OXNAD1: variants seen among roughly 807,000 people sequenced by gnomAD.
OXNAD1 encodes the protein oxidoreductase NAD binding domain containing 1.
OXNAD1 carries 34 observed loss-of-function variants against 32.9 expected under a neutral mutation model. The ratio of observed to expected loss-of-function variants is 1.03; its 90% confidence interval spans 0.79 to 1.38. The LOEUF (loss-of-function observed/expected upper bound fraction) is 1.38, where lower values mean the gene tolerates loss of function less well. OXNAD1 is among the 40% of genes most tolerant of loss of function. OXNAD1 has a pLI of 0.00. For missense variants in OXNAD1, 407 were observed against 379.4 expected (o/e 1.07, Z -0.60); for synonymous variants, 134 against 135.2 (o/e 0.99, Z 0.06).
Position 16,287,764 on chromosome 3 carries a change from A to G in OXNAD1, c.290+1316A>G, listed in dbSNP as rs2066170798. ...TGTAATGCACTTGCTAACCTCAGTTACCTGATAAGAAAATGTCCTCATTCC... is the reference window on the plus strand; with the variant it reads ...TGTAATGCACTTGCTAACCTCAGTTGCCTGATAAGAAAATGTCCTCATTCC... On this transcript the variant is annotated intron_variant, in intron 5 of 8. Transcript: ENST00000285083. This position sits in a 1 kb window ranked among gnomAD's most constrained non-coding sequence, Gnocchi z 4.8. 6.6e-6 allele frequency among the ~76,000 whole-genome samples: 1 copy of G among 152,186 alleles called. No homozygotes were observed. Among genetic ancestry groups the G allele is most frequent in the East Asian group, 1.9e-4 (1 of 5,198 alleles).
intron 4 of OXNAD1, among the ~76,000 whole-genome samples, chr3:16,279,577 A>G (rs2065603588): frequency 6.6e-6 from 1 of 151,894 alleles, no homozygotes; most frequent in African/African-American, 2.4e-5. Context: ...CAGCCCAGGA[A>G]TGTGTCAACA....
rs2068583085 is a variant in OXNAD1 at position 16,317,787 on chromosome 3, GACC to G, written c.*30+14202_*30+14204del. Among the ~76,000 whole-genome samples the G allele has an allele frequency of 6.6e-6, 1 of 151,934 alleles. No homozygotes were observed. Among genetic ancestry groups the G allele is most frequent in the African/African-American group, 2.4e-5 (1 of 41,226 alleles). On this transcript the variant is annotated intron_variant, in intron 9 of 9. Coordinates refer to the OXNAD1 transcript ENST00000435829. This position sits in a 1 kb window ranked among gnomAD's most constrained non-coding sequence, Gnocchi z 4.3. ...CCAGCTAGGCCGATAGCCCTTTGCT[GACC>G]ACCACCTCACAGAAGGGTCACACCA...
Position 16,265,804 on chromosome 3 carries a change from C to T in OXNAD1, c.-159+299C>T, listed in dbSNP as rs2064448901. The T allele has an allele frequency of 1.1e-6, 1 of 928,084 alleles. No homozygotes were observed. The highest frequency in any genetic ancestry group is 1.8e-5 in the African/African-American group (1 of 55,950). The allele number at this position is 928,084 out of a possible 1,614,324, so 57.5% of individuals were successfully genotyped here. On this transcript the variant is annotated intron_variant, in intron 1 of 8. Coordinates refer to ENST00000285083, the MANE Select transcript of OXNAD1 (RefSeq NM_138381.5). This position sits in a 1 kb window ranked among gnomAD's most constrained non-coding sequence, Gnocchi z 4.8. Reference sequence around the variant, plus strand: ...TGGGCATCTTGACTAAAATCATACACCTGGGAAATAATGAAGAGCTTGTCT... The same window carrying T: ...TGGGCATCTTGACTAAAATCATACATCTGGGAAATAATGAAGAGCTTGTCT...
At chr3:16,324,611 T>G (rs2069473373) in intron 9 of OXNAD1, among the ~76,000 whole-genome samples, 2 of 94,744 alleles carry the variant, frequency 2.1e-5, no homozygotes, top group Admixed American at 1.1e-4. Flanking sequence ...AGAATGTCCC[T>G]GACCCCCCCC....
chr3:16,265,607 T>C lies in OXNAD1; in HGVS notation c.-159+102T>C, dbSNP rs6803931. The C allele has an allele frequency of 0.16, 24,889 of 152,626 alleles. 2,143 individuals are homozygous for C. Among genetic ancestry groups the C allele is most frequent in the African/African-American group, 0.22 (9,127 of 41,522 alleles). The allele number at this position is 152,626 out of a possible 1,614,324, so 9.5% of individuals were successfully genotyped here. Reference sequence around the variant, plus strand: ...AGGCAGGGATTGAGTTCTAGTCTTCTGTTTGCCAGGCTTATAACATTATTA... The same window carrying C: ...AGGCAGGGATTGAGTTCTAGTCTTCCGTTTGCCAGGCTTATAACATTATTA... On this transcript the variant is annotated intron_variant, in intron 1 of 8. Transcript: ENST00000285083. This position sits in a 1 kb window ranked among gnomAD's most constrained non-coding sequence, Gnocchi z 4.8.
At position 16,265,223 on chromosome 3, in the gene OXNAD1, G is replaced by A. The variant is rs1014027282; in HGVS notation, c.-441G>A. 1.7e-5 allele frequency: 5 copies of A among 289,286 alleles called. No homozygotes were observed. Among genetic ancestry groups the A allele is most frequent in the African/African-American group, 6.5e-5 (3 of 46,188 alleles). The allele number at this position is 289,286 out of a possible 1,614,324, so 17.9% of individuals were successfully genotyped here. On this transcript the variant is annotated 5_prime_UTR_variant, in exon 1 of 9. Coordinates refer to ENST00000285083, the MANE Select transcript of OXNAD1 (RefSeq NM_138381.5). The surrounding 1 kb of genome is among the most constrained non-coding windows in gnomAD (Gnocchi z 4.8). ...TCTGGGACCGCGGAGTATTCCAGGCGCCTGCAACTAAACGTGGCCGGGTCT... is the reference window on the plus strand; with the variant it reads ...TCTGGGACCGCGGAGTATTCCAGGCACCTGCAACTAAACGTGGCCGGGTCT...
rs767056296 is a variant in OXNAD1 at position 16,317,748 on chromosome 3, G to A, written c.*30+14156G>A. Among the ~76,000 whole-genome samples the A allele has an allele frequency of 6.8e-6, 1 of 146,308 alleles. No homozygotes were observed. The highest frequency in any genetic ancestry group is 1.5e-5 in the Non-Finnish European group (1 of 67,538). ...ACCGCTCAGATCCCCCCACAGGACTGGCGGGCCCGCTCCCCAGCTAGGCCG... is the reference window on the plus strand; with the variant it reads ...ACCGCTCAGATCCCCCCACAGGACTAGCGGGCCCGCTCCCCAGCTAGGCCG... On this transcript the variant is annotated intron_variant, in intron 9 of 9. Transcript: ENST00000435829. This position sits in a 1 kb window ranked among gnomAD's most constrained non-coding sequence, Gnocchi z 4.3.
rs1185870704 is a variant in OXNAD1 at position 16,304,949 on chromosome 3, T to C, written c.*1387T>C. 2 of 152,198 alleles carry C rather than the reference T, an allele frequency of 1.3e-5. No homozygotes were observed. Among genetic ancestry groups the C allele is most frequent in the Non-Finnish European group, 2.9e-5 (2 of 68,054 alleles). 9.4% of individuals were successfully genotyped at this position (152,198 alleles called of 1,614,324 possible). A position where few individuals can be genotyped will look rare whatever the true frequency, so the allele number is the denominator to read the frequency against. On this transcript the variant is annotated 3_prime_UTR_variant, in exon 9 of 9. Transcript: ENST00000285083. This position sits in a 1 kb window ranked among gnomAD's most constrained non-coding sequence, Gnocchi z 4.6. ...AGAGATCATTTGTCAACTATTTTGA[T>C]CCCAGATTTGAATTTGGGGAGGAAG...
chr3:16,344,621 C>G lies in OXNAD1; in HGVS notation c.*31-4555C>G, dbSNP rs2071520243. Among the ~76,000 whole-genome samples, 1 of 152,120 alleles carries G rather than the reference C, an allele frequency of 6.6e-6. No individual in the cohort carries two copies. The highest frequency in any genetic ancestry group is 1.5e-5 in the Non-Finnish European group (1 of 68,030). On this transcript the variant is annotated intron_variant, in intron 9 of 9. Transcript: ENST00000606098. The surrounding 1 kb of genome is among the most constrained non-coding windows in gnomAD (Gnocchi z 4.4). ...GAATCAGGTCTCTTCAGGTCCACCA[C>G]CTTCTAGATCACTGCACAAGCCCCT... is the stretch of plus-strand genomic sequence containing the variant.
At chr3:16,326,718 T>C (rs1200115022) in intron 9 of OXNAD1, 1 of 1,339,074 alleles carries the variant, frequency 7.5e-7, no homozygotes, top group African/African-American at 1.4e-5. Flanking sequence ...TTAGGAACAG[T>C]GACTAGCACA....
At chr3:16,331,080 C>T (rs2070258030) in intron 9 of OXNAD1, among the ~76,000 whole-genome samples, 1 of 152,206 alleles carries the variant, frequency 6.6e-6, no homozygotes, top group Non-Finnish European at 1.5e-5. Context: ...GAGACCACTT[C>T]TGGGGTGTTC....
rs1337845301 is a variant in OXNAD1 at position 16,301,095 on chromosome 3, C to A, written c.433-531C>A. Among the ~76,000 whole-genome samples, 1 of 152,208 alleles carries A rather than the reference C, an allele frequency of 6.6e-6. No individual in the cohort carries two copies. The highest frequency in any genetic ancestry group is 1.9e-4 in the East Asian group (1 of 5,204). On this transcript the variant is annotated intron_variant, in intron 6 of 8. Coordinates refer to ENST00000285083, the MANE Select transcript of OXNAD1 (RefSeq NM_138381.5). This position sits in a 1 kb window ranked among gnomAD's most constrained non-coding sequence, Gnocchi z 4.1. Reference sequence around the variant, plus strand: ...CTAGGGAGACAGGAACAGCACTGAACAGTACTACAGGGCTGGTCTAAGCCT... The same window carrying A: ...CTAGGGAGACAGGAACAGCACTGAAAAGTACTACAGGGCTGGTCTAAGCCT...
rs1464851081 is a variant in OXNAD1 at position 16,329,976 on chromosome 3, A to G, written c.*31-7136A>G. Among the ~76,000 whole-genome samples, 1 of 152,182 alleles carries G rather than the reference A, an allele frequency of 6.6e-6. No individual in the cohort carries two copies. ...GACCCGCCTGCTTAGACAGACTGCA[A>G]ACCGGCTGCTTCTATTTTGCTCCGT... On this transcript the variant is annotated intron_variant, in intron 9 of 9. Coordinates refer to the OXNAD1 transcript ENST00000435829. The surrounding 1 kb of genome is among the most constrained non-coding windows in gnomAD (Gnocchi z 4.5).
rs2069138158 is a variant in OXNAD1 at position 16,322,180 on chromosome 3, G to GT, written c.*31-14930dup. ...AGCTGGTGGCTGCCTGCTCCTGGTG[G>GT]TTGATGGTGGGCTGGCAGTTCCCTT... On this transcript the variant is annotated intron_variant, in intron 9 of 9. Coordinates refer to the OXNAD1 transcript ENST00000435829. The surrounding 1 kb of genome is among the most constrained non-coding windows in gnomAD (Gnocchi z 6.2). 6.6e-6 allele frequency among the ~76,000 whole-genome samples: 1 copy of GT among 152,196 alleles called. No individual in the cohort carries two copies. The highest frequency in any genetic ancestry group is 1.9e-4 in the East Asian group (1 of 5,188).
chr3:16,314,480 C>A lies in OXNAD1; in HGVS notation c.*30+10888C>A, dbSNP rs1221371485. ...AAAATCCTGATGCCCACGCCACTCC[C>A]CAGATCATTCATTCACAAGCTCTGC... On this transcript the variant is annotated intron_variant, in intron 9 of 9. Coordinates refer to the OXNAD1 transcript ENST00000435829. The surrounding 1 kb of genome is among the most constrained non-coding windows in gnomAD (Gnocchi z 4.4). The A allele has an allele frequency of 6.6e-6, 1 of 152,144 alleles. No homozygotes were observed. Among genetic ancestry groups the A allele is most frequent in the Non-Finnish European group, 1.5e-5 (1 of 68,028 alleles). The allele number at this position is 152,144 out of a possible 1,614,324, so 9.4% of individuals were successfully genotyped here.
chr3:16,269,044 C>T (rs892164752), intron 1 of OXNAD1, 82 bp from the exon 2 acceptor site: 2 of 1,273,722 alleles, frequency 1.6e-6, no homozygotes, highest in Non-Finnish European at 1.0e-6. Context: ...TTTTAATGAG[C>T]CTTTCCTTTG....
Position 16,322,582 on chromosome 3 carries a change from C to CT in OXNAD1, c.*31-14528dup, listed in dbSNP as rs1314867087. On this transcript the variant is annotated intron_variant, in intron 9 of 9. Coordinates refer to the OXNAD1 transcript ENST00000435829. This position sits in a 1 kb window ranked among gnomAD's most constrained non-coding sequence, Gnocchi z 6.2. ...GTGTGTCCACTCGACTCACTGGCCT[C>CT]TTCCCCAGCAACTGGTGAAAATGTC... 1.3e-5 allele frequency among the ~76,000 whole-genome samples: 2 copies of CT among 152,188 alleles called. No homozygotes were observed. Among genetic ancestry groups the CT allele is most frequent in the African/African-American group, 4.8e-5 (2 of 41,458 alleles).
rs887636065 is a variant in OXNAD1, at chr3:16,302,767, T to C, written c.784+19T>C. The C allele has an allele frequency of 1.3e-6, 2 of 1,558,802 alleles. No homozygotes were observed. The highest frequency in any genetic ancestry group is 2.3e-5 in the East Asian group (1 of 44,182). On this transcript the variant is annotated intron_variant, in intron 8 of 8. Coordinates refer to ENST00000285083, the MANE Select transcript of OXNAD1 (RefSeq NM_138381.5). This position sits in a 1 kb window ranked among gnomAD's most constrained non-coding sequence, Gnocchi z 4.2. ...ATCACGGGTGAGTCCCCTAAAGATATTTTGACTATCTCCATGCAGTTATTT... is the reference window on the plus strand; with the variant it reads ...ATCACGGGTGAGTCCCCTAAAGATACTTTGACTATCTCCATGCAGTTATTT...
intron 4 of OXNAD1, among the ~76,000 whole-genome samples, chr3:16,278,320 C>G (rs1386096593): frequency 6.6e-6 from 1 of 152,110 alleles, no homozygotes; most frequent in African/African-American, 2.4e-5. Context: ...GTGTCTTTTC[C>G]TACAGTATCT....
Sources: allele counts gnomAD v4.1 joint callset (sites outside exome capture counted in the v4.1 genomes callset), GRCh38; gene constraint gnomAD v4.1.1; non-coding constraint Gnocchi (gnomAD v3.1); transcripts MANE v1.5; gene names NCBI Gene and HGNC (gene_info 2026-07-23, HGNC 2026-07-21).